CEP112: variants seen among roughly 807,000 people sequenced by gnomAD.
CEP112 encodes the protein centrosomal protein of 112 kDa.
A neutral mutation model predicts 153.0 loss-of-function variants in CEP112; 127 were observed. The observed-to-expected ratio is 0.83, with a 90% confidence interval of 0.72 to 0.96. The LOEUF is 0.96. CEP112 is among the 40% of genes least tolerant of loss of function. The pLI is 0.00. For synonymous variants in CEP112, 358 were observed against 374.4 expected (o/e 0.96, Z 0.51); for missense variants, 1,089 against 1,101.2 (o/e 0.99, Z 0.16).
chr17:65,801,627 A>G (rs2055284244), intron 21 of CEP112, among the ~76,000 whole-genome samples: 1 of 152,210 alleles, frequency 6.6e-6, no homozygotes, highest in African/African-American at 2.4e-5. Flanking sequence ...TCATTTTAAA[A>G]GGACATTACT....
intron 6 of CEP112, among the ~76,000 whole-genome samples, chr17:66,100,326 G>A (rs1357804356): frequency 6.6e-6 from 1 of 151,160 alleles, no homozygotes; most frequent in African/African-American, 2.4e-5. Flanking sequence ...CATGAACCCT[G>A]GAGGCGGAGC....
intron 23 of CEP112, among the ~76,000 whole-genome samples, chr17:65,698,565 C>A (rs1295929621): frequency 1.3e-5 from 2 of 152,082 alleles, no homozygotes; most frequent in East Asian, 3.9e-4. Flanking sequence ...CCTAACGCAC[C>A]TCATTCATGT....
intron 21 of CEP112, chr17:65,826,106 T>C: frequency 1.2e-6 from 2 of 1,606,820 alleles, no homozygotes; most frequent in Non-Finnish European, 1.7e-6. Context: ...AAGATCCCTA[T>C]GTCAGGAGGA....
At chr17:65,640,432 G>A (rs776209723) in intron 25 of CEP112, among the ~76,000 whole-genome samples, 5 of 152,084 alleles carry the variant, frequency 3.3e-5, no homozygotes, top group Non-Finnish European at 5.9e-5. Context: ...AGGATTACAG[G>A]TATGAGCCAC....
At chr17:66,039,181 T>C (rs1480539025) in intron 12 of CEP112, among the ~76,000 whole-genome samples, 1 of 152,222 alleles carries the variant, frequency 6.6e-6, no homozygotes, top group Non-Finnish European at 1.5e-5. Context: ...ATCATAGGTT[T>C]GATTTCCTAT....
intron 23 of CEP112, among the ~76,000 whole-genome samples, chr17:65,724,127 C>T (rs1176613369): frequency 6.6e-6 from 1 of 152,038 alleles, no homozygotes; most frequent in Non-Finnish European, 1.5e-5. Flanking sequence ...TCCTGTAACC[C>T]ACCAACCATC....
chr17:65,723,291 A>G (rs1485783762), intron 23 of CEP112, among the ~76,000 whole-genome samples: 1 of 152,248 alleles, frequency 6.6e-6, no homozygotes, highest in Non-Finnish European at 1.5e-5. Flanking sequence ...CTATTTTTAA[A>G]AACAAAATGA....
intron 26 of CEP112, 87 bp downstream of exon 26, chr17:65,637,037 T>C: frequency 9.8e-7 from 1 of 1,017,362 alleles, no homozygotes; most frequent in South Asian, 1.4e-5. Flanking sequence ...CCAAGCATTT[T>C]AATAAAGACA....
At chr17:65,754,641 T>G (rs1465029938) in intron 21 of CEP112, among the ~76,000 whole-genome samples, 1 of 151,804 alleles carries the variant, frequency 6.6e-6, no homozygotes, top group Non-Finnish European at 1.5e-5. Context: ...TAAAATAAAA[T>G]AAAATACAAT....
In CEP112 at chr17:66,149,888, G is replaced by GT. The variant is rs71160535; in HGVS notation, c.471-17126dup. Among the ~76,000 whole-genome samples the GT allele has an allele frequency of 2.0e-3, 107 of 54,712 alleles. 7 individuals carry two copies. Among genetic ancestry groups the GT allele is most frequent in the East Asian group, 8.3e-3 (13 of 1,574 alleles). The allele number at this position is 54,712 out of a possible 152,430, so 35.9% of individuals were successfully genotyped here. A position where few individuals can be genotyped will look rare whatever the true frequency, so the allele number is the denominator to read the frequency against. On this transcript the variant is annotated intron_variant, in intron 4 of 26. Transcript: ENST00000535342. ...TTAGGGTTTTTTTTTTTGTTTGTTT[G>GT]TTTTTTTTTTTTTTTTTTTTTGAGA...
chr17:65,906,269 G>GC (rs897414451), intron 19 of CEP112, among the ~76,000 whole-genome samples: 26 of 151,854 alleles, frequency 1.7e-4, no homozygotes, highest in Non-Finnish European at 3.2e-4. Context: ...GCCTGTCGGG[G>GC]GGGTAGGGGA....
chr17:65,930,780 G>T (rs543794080), intron 18 of CEP112, among the ~76,000 whole-genome samples: 1 of 152,198 alleles, frequency 6.6e-6, no homozygotes, highest in African/African-American at 2.4e-5. Flanking sequence ...CAGTACCCTT[G>T]ATATTTTCCA....
rs1216320242 is a variant in CEP112 at position 65,764,168 on chromosome 17, C to T, written c.2395-13444G>A. ...CTGTAGGTGGTTATCTCCCTTCCCC[C>T]AGATTGGTTAGGCTCTGAAAAATCC... On this transcript the variant is annotated intron_variant, in intron 21 of 26. Coordinates refer to ENST00000535342, the MANE Select transcript of CEP112 (RefSeq NM_001199165.4). Among the ~76,000 whole-genome samples, 3 of 152,198 alleles carry T rather than the reference C, an allele frequency of 2.0e-5. No homozygotes were observed. The East Asian group carries it at 5.8e-4, about 29-fold the overall frequency.
chr17:66,085,973 C>A (rs2067909997), intron 8 of CEP112, among the ~76,000 whole-genome samples: 1 of 108,272 alleles, frequency 9.2e-6, no homozygotes, highest in African/African-American at 3.3e-5. Context: ...GAGCGAGACT[C>A]CGTCTCAAAA....
intron 18 of CEP112, among the ~76,000 whole-genome samples, chr17:65,949,882 G>T (rs1347637575): frequency 6.6e-6 from 1 of 152,044 alleles, no homozygotes; most frequent in Admixed American, 6.6e-5. Context: ...TTCTCCCACA[G>T]AAATACAATA....
chr17:65,764,346 G>A (rs374476671), intron 21 of CEP112, among the ~76,000 whole-genome samples: 16 of 152,298 alleles, frequency 1.1e-4, no homozygotes, highest in African/African-American at 3.6e-4. Context: ...TGTTGATGGG[G>A]GATATTGAAG....
chr17:66,086,980 T>G (rs980215728), intron 8 of CEP112, among the ~76,000 whole-genome samples: 1 of 152,034 alleles, frequency 6.6e-6, no homozygotes, highest in Non-Finnish European at 1.5e-5. Context: ...TGGAGAAAAA[T>G]ATGATAAAAA....
intron 19 of CEP112, among the ~76,000 whole-genome samples, chr17:65,924,981 AC>A (rs1284938656): frequency 1.3e-5 from 2 of 151,690 alleles, no homozygotes; most frequent in Non-Finnish European, 2.9e-5. Flanking sequence ...CCTTTCTTCC[AC>A]TTCCATACCT....
In CEP112 at chr17:65,664,139, T is replaced by G. The variant is rs1259613814; in HGVS notation, c.2698-23074A>C. 3.9e-5 allele frequency among the ~76,000 whole-genome samples: 6 copies of G among 152,220 alleles called. No individual in the cohort carries two copies. The South Asian group carries it at 1.0e-3, about 26-fold the overall frequency. On this transcript the variant is annotated intron_variant, in intron 24 of 26. Coordinates refer to ENST00000535342, the MANE Select transcript of CEP112 (RefSeq NM_001199165.4). ...GACATTTGGGGAAAGAAAAAGATCTTTGGCCATGGCATTGCTTGGGAAGGT... is the reference window on the plus strand; with the variant it reads ...GACATTTGGGGAAAGAAAAAGATCTGTGGCCATGGCATTGCTTGGGAAGGT...
Sources: allele counts gnomAD v4.1 joint callset (sites outside exome capture counted in the v4.1 genomes callset), GRCh38; gene constraint gnomAD v4.1.1; transcripts MANE v1.5; gene names NCBI Gene and HGNC (gene_info 2026-07-23, HGNC 2026-07-21).